LOC128706665: variants seen among roughly 807,000 people sequenced by gnomAD.
At chr20:10,422,713 CT>C in the LOC128706665 span, among the ~76,000 whole-genome samples, 6,049 of 143,314 alleles carry the variant, frequency 0.042, 333 homozygotes, top group African/African-American at 0.14. Flanking sequence ...GTTATATTAT[CT>C]TTTTTTTTTT....
chr20:10,417,915 A>AT, the LOC128706665 span, among the ~76,000 whole-genome samples: 1 of 152,188 alleles, frequency 6.6e-6, no homozygotes, highest in Non-Finnish European at 1.5e-5. Context: ...AATGTGGGAA[A>AT]TTTTTTAAAA....
At chr20:10,431,776 C>CGTAGCAGAAAAG in the LOC128706665 span, 1 of 152,222 alleles carries the variant, frequency 6.6e-6, no homozygotes, top group African/African-American at 2.4e-5. Flanking sequence ...GTCTTCTCTG[C>CGTAGCAGAAAAG]TATATTCCTA....
chr20:10,426,512 A>T, the LOC128706665 span, among the ~76,000 whole-genome samples: 4 of 152,062 alleles, frequency 2.6e-5, no homozygotes, highest in African/African-American at 9.7e-5. Flanking sequence ...GGATTCTCGT[A>T]CCTCAGCCTC....
the LOC128706665 span, among the ~76,000 whole-genome samples, chr20:10,423,698 G>T: frequency 6.6e-6 from 1 of 152,114 alleles, no homozygotes; most frequent in Non-Finnish European, 1.5e-5. Flanking sequence ...AAAGATAAAA[G>T]AAATGCTCAA....
the LOC128706665 span, among the ~76,000 whole-genome samples, chr20:10,429,831 A>G: frequency 6.6e-6 from 1 of 152,168 alleles, no homozygotes; most frequent in Non-Finnish European, 1.5e-5. Flanking sequence ...GCCATTAGCA[A>G]CACTTGGGAA....
At chr20:10,418,538 T>C in the LOC128706665 span, among the ~76,000 whole-genome samples, 1 of 152,208 alleles carries the variant, frequency 6.6e-6, no homozygotes, top group East Asian at 1.9e-4. Context: ...AAAGCCTGTT[T>C]AAATATCTGC....
At chr20:10,423,287 C>T in the LOC128706665 span, among the ~76,000 whole-genome samples, 6 of 152,090 alleles carry the variant, frequency 3.9e-5, no homozygotes, top group East Asian at 7.8e-4. Flanking sequence ...GGCATGGTGG[C>T]GCACGCCTGT....
At chr20:10,421,408 C>T in the LOC128706665 span, among the ~76,000 whole-genome samples, 1 of 135,774 alleles carries the variant, frequency 7.4e-6, no homozygotes, top group East Asian at 2.1e-4. Flanking sequence ...CAGAATGAGA[C>T]TCCATCACAA....
the LOC128706665 span, among the ~76,000 whole-genome samples, chr20:10,418,022 A>AT: frequency 6.6e-6 from 1 of 152,192 alleles, no homozygotes; most frequent in Non-Finnish European, 1.5e-5. Flanking sequence ...ACCTGAAAAG[A>AT]TTTTTTATAG....
chr20:10,429,972 G>T, the LOC128706665 span, among the ~76,000 whole-genome samples: 4 of 152,110 alleles, frequency 2.6e-5, no homozygotes, highest in East Asian at 5.8e-4. Context: ...GAGACCCACT[G>T]TTCTAGTCTA....
the LOC128706665 span, among the ~76,000 whole-genome samples, chr20:10,432,789 CAAAA>C: frequency 8.0e-5 from 6 of 74,560 alleles, no homozygotes; most frequent in African/African-American, 1.9e-4. Flanking sequence ...GACTCTTTGT[CAAAA>C]AAAAAAAAAA....
the LOC128706665 span, among the ~76,000 whole-genome samples, chr20:10,432,776 C>T: frequency 8.8e-6 from 1 of 113,940 alleles, no homozygotes; most frequent in Non-Finnish European, 1.7e-5. Context: ...CGCGACAGAG[C>T]GAGACTCTTT....
the LOC128706665 span, among the ~76,000 whole-genome samples, chr20:10,421,225 T>C: frequency 6.6e-6 from 1 of 151,878 alleles, no homozygotes; most frequent in Non-Finnish European, 1.5e-5. Context: ...AGGTCAGGAG[T>C]TCGAGACCAG....
At chr20:10,424,981 A>G in the LOC128706665 span, among the ~76,000 whole-genome samples, 1 of 151,738 alleles carries the variant, frequency 6.6e-6, no homozygotes, top group Non-Finnish European at 1.5e-5. Flanking sequence ...TGAACCTGGG[A>G]GGCGGAGGTT....
chr20:10,414,006 T>A, the LOC128706665 span: 2 of 393,642 alleles, frequency 5.1e-6, no homozygotes, highest in East Asian at 7.2e-5. Context: ...AATAATTTAT[T>A]CTAATGCTCT....
chr20:10,425,904 T>C, the LOC128706665 span, among the ~76,000 whole-genome samples: 9 of 152,158 alleles, frequency 5.9e-5, no homozygotes, highest in African/African-American at 2.2e-4. Flanking sequence ...TTTAGAAGGA[T>C]AGAGAAATCA....
At chr20:10,427,390 T>A in the LOC128706665 span, among the ~76,000 whole-genome samples, 1 of 152,330 alleles carries the variant, frequency 6.6e-6, no homozygotes, top group South Asian at 2.1e-4. Flanking sequence ...TTCCACTGAA[T>A]GTAATTTAAT....
At chr20:10,420,105 A>G in the LOC128706665 span, among the ~76,000 whole-genome samples, 20,659 of 152,232 alleles carry the variant, frequency 0.14, 1,523 homozygotes, top group East Asian at 0.24. Context: ...GTGACTCTCA[A>G]AAGTAACAAA....
At chr20:10,415,817 T>G in the LOC128706665 span, among the ~76,000 whole-genome samples, 1 of 152,218 alleles carries the variant, frequency 6.6e-6, no homozygotes, top group African/African-American at 2.4e-5. Context: ...CTGTCAGTCT[T>G]ACAGTAGTGA....
Sources: allele counts gnomAD v4.1 joint callset (sites outside exome capture counted in the v4.1 genomes callset), GRCh38; gene constraint gnomAD v4.1.1; transcripts MANE v1.5.